The following GALNTL6 variants were observed in gnomAD, a reference collection of about 807,000 sequenced individuals.
GALNTL6 encodes polypeptide N-acetylgalactosaminyltransferase like 6, also known as polypeptide N-acetylgalactosaminyltransferase-like 6.
A neutral mutation model predicts 73.7 loss-of-function variants in GALNTL6; 46 were observed. That is an observed-to-expected ratio of 0.62 (90% CI 0.49 to 0.80). The LOEUF is 0.80. GALNTL6 is among the 30% of genes least tolerant of loss of function. The pLI is 0.00. For synonymous variants in GALNTL6, 259 were observed against 263.7 expected (o/e 0.98, Z 0.17); for missense variants, 604 against 755.0 (o/e 0.80, Z 2.34).
At chr4:172,721,331 A>G (rs1423092691) in intron 5 of GALNTL6, among the ~76,000 whole-genome samples, 1 of 152,238 alleles carries the variant, frequency 6.6e-6, no homozygotes, top group Non-Finnish European at 1.5e-5. Context: ...GGGGCAGAAA[A>G]TAAAAGAGGA....
chr4:172,835,533 T>G (rs752215013), intron 7 of GALNTL6, among the ~76,000 whole-genome samples: 1 of 152,164 alleles, frequency 6.6e-6, no homozygotes, highest in Non-Finnish European at 1.5e-5. Context: ...TTAAATCTAA[T>G]CTTTAAAATG....
At chr4:171,885,721 C>T (rs1011517773) in intron 2 of GALNTL6, among the ~76,000 whole-genome samples, 5 of 152,044 alleles carry the variant, frequency 3.3e-5, no homozygotes, top group South Asian at 4.2e-4. Context: ...GGGAGGATTG[C>T]TTGAGCCTGG....
chr4:172,020,220 A>T (rs1401726168), intron 2 of GALNTL6, among the ~76,000 whole-genome samples: 1 of 152,038 alleles, frequency 6.6e-6, no homozygotes, highest in East Asian at 1.9e-4. Context: ...AAGAAGAAAG[A>T]CCAAATAAGC....
chr4:171,954,781 TC>T (rs1738993947), intron 2 of GALNTL6, among the ~76,000 whole-genome samples: 2 of 152,074 alleles, frequency 1.3e-5, no homozygotes, highest in Admixed American at 6.6e-5. Flanking sequence ...GGTGTGAACT[TC>T]CCCCTCTCTT....
intron 2 of GALNTL6, among the ~76,000 whole-genome samples, chr4:172,178,344 T>C (rs1219323840): frequency 1.3e-5 from 2 of 152,176 alleles, no homozygotes; most frequent in Non-Finnish European, 2.9e-5. Flanking sequence ...CATGCAAGTA[T>C]GTTACATGGT....
intron 2 of GALNTL6, among the ~76,000 whole-genome samples, chr4:171,977,151 T>A (rs555874331): frequency 1.3e-5 from 2 of 152,170 alleles, no homozygotes; most frequent in Non-Finnish European, 2.9e-5. Flanking sequence ...GCAGATTGAT[T>A]CATGTTTTCA....
intron 2 of GALNTL6, among the ~76,000 whole-genome samples, chr4:172,169,617 A>T (rs560794246): frequency 2.6e-5 from 4 of 152,314 alleles, no homozygotes; most frequent in African/African-American, 7.2e-5. Flanking sequence ...ACCTAAGCAG[A>T]TATTAGTCAT....
chr4:172,919,889 T>G (rs1468348163), intron 8 of GALNTL6, among the ~76,000 whole-genome samples: 1 of 152,218 alleles, frequency 6.6e-6, no homozygotes, highest in African/African-American at 2.4e-5. Flanking sequence ...GTGATACATC[T>G]GTTTTTAAGT....
intron 2 of GALNTL6, among the ~76,000 whole-genome samples, chr4:171,820,144 A>G (rs994485801): frequency 6.6e-6 from 1 of 152,202 alleles, no homozygotes; most frequent in African/African-American, 2.4e-5. Context: ...AAATATATCT[A>G]TATAGGGTTC....
intron 2 of GALNTL6, among the ~76,000 whole-genome samples, chr4:171,877,971 T>G (rs181596566): frequency 6.6e-6 from 1 of 152,206 alleles, no homozygotes; most frequent in Non-Finnish European, 1.5e-5. Context: ...GCCTCTATCA[T>G]TTTGTATTTA....
intron 2 of GALNTL6, among the ~76,000 whole-genome samples, chr4:171,835,909 T>G (rs926131848): frequency 1.3e-5 from 2 of 152,002 alleles, no homozygotes; most frequent in African/African-American, 4.8e-5. Context: ...AAAAAAATAT[T>G]TTTTAAATGT....
chr4:172,465,279 C>A (rs1579097028), intron 5 of GALNTL6, among the ~76,000 whole-genome samples: 1 of 152,170 alleles, frequency 6.6e-6, no homozygotes, highest in East Asian at 1.9e-4. Flanking sequence ...AGATCCAGAC[C>A]ATCCTGGCTA....
At chr4:172,150,056 C>G (rs34771884) in intron 2 of GALNTL6, among the ~76,000 whole-genome samples, 68,139 of 151,932 alleles carry the variant, frequency 0.45, 15,992 homozygotes, top group African/African-American at 0.57. Context: ...TCCTGAAGAA[C>G]TCACCCCCAT....
chr4:172,384,638 G>A (rs1451845770), intron 5 of GALNTL6, among the ~76,000 whole-genome samples: 1 of 150,856 alleles, frequency 6.6e-6, no homozygotes, highest in Non-Finnish European at 1.5e-5. Context: ...TCATTGCTTT[G>A]TGTTGTTTGC....
chr4:172,258,604 C>T (rs1035214537), intron 3 of GALNTL6, among the ~76,000 whole-genome samples: 1 of 151,056 alleles, frequency 6.6e-6, no homozygotes, highest in African/African-American at 2.4e-5. Context: ...AAATTTTCTT[C>T]TATTTTATTT....
At chr4:172,479,631 A>G (rs1028770076) in intron 5 of GALNTL6, among the ~76,000 whole-genome samples, 3 of 152,214 alleles carry the variant, frequency 2.0e-5, no homozygotes, top group Non-Finnish European at 4.4e-5. Context: ...TGATGGGTAC[A>G]CTGAAACCCC....
At chr4:172,028,890 AT>A (rs1022564687) in intron 2 of GALNTL6, among the ~76,000 whole-genome samples, 4 of 152,020 alleles carry the variant, frequency 2.6e-5, no homozygotes, top group African/African-American at 9.7e-5. Context: ...AATTTTACAC[AT>A]TTTTCTAACA....
At chr4:171,995,128 T>C (rs529513422) in intron 2 of GALNTL6, among the ~76,000 whole-genome samples, 35 of 152,064 alleles carry the variant, frequency 2.3e-4, no homozygotes, top group African/African-American at 8.4e-4. Flanking sequence ...TATTATTATA[T>C]ATGCTGATGG....
chr4:172,851,138 C>T (rs892299401), intron 7 of GALNTL6, among the ~76,000 whole-genome samples: 2 of 151,998 alleles, frequency 1.3e-5, no homozygotes, highest in African/African-American at 2.4e-5. Context: ...GTGACCAGCC[C>T]CCATTCAAGT....
Sources: allele counts gnomAD v4.1 joint callset (sites outside exome capture counted in the v4.1 genomes callset), GRCh38; gene constraint gnomAD v4.1.1; transcripts MANE v1.5; gene names NCBI Gene and HGNC (gene_info 2026-07-23, HGNC 2026-07-21).